Variants in PHOSPHO2 observed in about 807,000 individuals in gnomAD.
PHOSPHO2 encodes phosphatase, orphan 2.
In PHOSPHO2, 14 loss-of-function variants were observed where a neutral mutation model predicts 16.4. The observed-to-expected ratio is 0.85, with a 90% CI of 0.56 to 1.33. PHOSPHO2 has a LOEUF of 1.33. Among genes scored for constraint, PHOSPHO2 ranks in the 40% most tolerant of loss-of-function variants. PHOSPHO2 has a pLI of 0.00. For missense variants in PHOSPHO2, 246 were observed against 282.5 expected (o/e 0.87, Z 0.93); for synonymous variants, 85 against 90.5 (o/e 0.94, Z 0.34).
In PHOSPHO2 at chr2:169,697,516, G is replaced by C. The variant is rs1210936268; in HGVS notation, c.-42G>C. 6.6e-6 allele frequency: 1 copy of C among 152,064 alleles called. No individual in the cohort carries two copies. Among genetic ancestry groups the C allele is most frequent in the Non-Finnish European group, 1.5e-5 (1 of 68,004 alleles). The allele number at this position is 152,064 out of a possible 1,614,324, so 9.4% of individuals were successfully genotyped here. A position where few individuals can be genotyped will look rare whatever the true frequency, so the allele number is the denominator to read the frequency against. On this transcript the variant is annotated 5_prime_UTR_variant, in exon 3 of 4. Transcript: ENST00000359744. ...CCCAATGCTGAAGTAAGATTGTCTTGGAAATACTAAGTTGGGTAAGTATTT... is the reference window on the plus strand; with the variant it reads ...CCCAATGCTGAAGTAAGATTGTCTTCGAAATACTAAGTTGGGTAAGTATTT...
chr2:169,695,429 G>A (rs1041302559), intron 2 of PHOSPHO2, among the ~76,000 whole-genome samples, 182 bp downstream of exon 2: 1 of 152,262 alleles, frequency 6.6e-6, no homozygotes, highest in South Asian at 2.1e-4. Context: ...GAGGTCAGGA[G>A]ATCGAGACCA....
intron 3 of PHOSPHO2, among the ~76,000 whole-genome samples, chr2:169,699,291 G>A (rs1687662981): frequency 6.8e-6 from 1 of 146,418 alleles, no homozygotes; most frequent in Admixed American, 6.8e-5. Flanking sequence ...TGTTGTTCCT[G>A]TGTTAGTTTG....
Position 169,701,621 on chromosome 2 carries a change from C to T in PHOSPHO2, c.650C>T (p.Pro217Leu), listed in dbSNP as rs760438721. The change falls in exon 4 of 4, where the codon CCT (proline) becomes CTT (leucine). Residue 217 changes from proline to leucine, a missense_variant. Coordinates refer to ENST00000359744, the MANE Select transcript of PHOSPHO2 (RefSeq NM_001008489.4). ...TLSRMSQNLE[P>L]MEYSVVVWSS... ...TCCAGAATGTCTCAAAATCTTGAGCCTATGGAATATTCTGTTGTAGTTTGG... is the reference window on the plus strand; with the variant it reads ...TCCAGAATGTCTCAAAATCTTGAGCTTATGGAATATTCTGTTGTAGTTTGG... 3.1e-6 allele frequency: 5 copies of T among 1,603,334 alleles called. No individual in the cohort carries two copies. Among genetic ancestry groups the T allele is most frequent in the Non-Finnish European group, 4.2e-6 (5 of 1,178,366 alleles).
chr2:169,701,013 A>T lies in PHOSPHO2; in HGVS notation c.42A>T (p.Ile14=). 1 of 1,609,848 alleles carries T rather than the reference A, an allele frequency of 6.2e-7. No individual in the cohort carries two copies. The highest frequency in any genetic ancestry group is 8.5e-7 in the Non-Finnish European group (1 of 1,178,602). ...LLVFDFDNTI[I]DDNSDTWIVQ... ...TTTTTGACTTTGACAATACAATCAT[A>T]GATGACAATAGTGACACTTGGATTG... The change falls in exon 4 of 4, where the codon ATA becomes ATT. Residue 14 remains isoleucine (I), a synonymous_variant. Transcript: ENST00000359744.
intron 2 of PHOSPHO2, 144 bp from the exon 3 acceptor site, chr2:169,697,215 CTG>C (rs1166264204): frequency 2.6e-5 from 4 of 152,188 alleles, no homozygotes; most frequent in Non-Finnish European, 5.9e-5. Flanking sequence ...TGGGGTTTCA[CTG>C]TGTTAGCCAG....
intron 3 of PHOSPHO2, among the ~76,000 whole-genome samples, chr2:169,699,527 G>A (rs968164730): frequency 6.6e-6 from 1 of 152,120 alleles, no homozygotes; most frequent in African/African-American, 2.4e-5. Flanking sequence ...ACATTCCTTT[G>A]GGTATATACC....
intron 3 of PHOSPHO2, chr2:169,698,342 GT>G (rs1687623244): frequency 1.3e-5 from 2 of 152,212 alleles, no homozygotes; most frequent in South Asian, 4.1e-4. Context: ...CTAATGAGTA[GT>G]CATTAAATAT....
At chr2:169,700,053 G>A (rs973799899) in intron 3 of PHOSPHO2, among the ~76,000 whole-genome samples, 1 of 151,710 alleles carries the variant, frequency 6.6e-6, no homozygotes, top group African/African-American at 2.4e-5. Flanking sequence ...TTCAGGGATG[G>A]TGGAACTTTT....
chr2:169,694,603 G>A lies in PHOSPHO2; in HGVS notation c.-250G>A. On this transcript the variant is annotated 5_prime_UTR_variant, in exon 1 of 4. Coordinates refer to ENST00000359744, the MANE Select transcript of PHOSPHO2 (RefSeq NM_001008489.4). ...CAGGAGCGTCACGGGCGCCGGGGCG[G>A]CTGCCGACGGCGGGACTGGGTCAGT... The A allele has an allele frequency of 1.8e-6, 1 of 542,266 alleles. No individual in the cohort carries two copies. The allele number at this position is 542,266 out of a possible 1,614,324, so 33.6% of individuals were successfully genotyped here.
intron 2 of PHOSPHO2, among the ~76,000 whole-genome samples, chr2:169,696,892 C>T (rs147799555): frequency 6.6e-6 from 1 of 152,164 alleles, no homozygotes; most frequent in East Asian, 1.9e-4. Context: ...AACTTATTTT[C>T]ACATAACATT....
At chr2:169,695,787 C>A (rs888592370) in intron 2 of PHOSPHO2, among the ~76,000 whole-genome samples, 1 of 152,114 alleles carries the variant, frequency 6.6e-6, no homozygotes, top group Non-Finnish European at 1.5e-5. Context: ...TCAGCAATTT[C>A]GCCTGAGTTC....
chr2:169,696,818 A>G (rs556867626), intron 2 of PHOSPHO2, among the ~76,000 whole-genome samples: 6 of 152,356 alleles, frequency 3.9e-5, no homozygotes, highest in Non-Finnish European at 7.3e-5. Context: ...TTAAACAAGT[A>G]CAAAGAAAAA....
rs778598185 is a variant in PHOSPHO2 at position 169,701,017 on chromosome 2, G to A, written c.46G>A (p.Asp16Asn). ...TGACTTTGACAATACAATCATAGAT[G>A]ACAATAGTGACACTTGGATTGTACA... ...VFDFDNTIID[D>N]NSDTWIVQCA... Residue 16 changes from aspartate to asparagine, a missense_variant, in exon 4 of 4, where the codon GAC becomes AAC. Physicochemically the swap from Asp to Asn is conservative, Grantham distance 23 (BLOSUM62 1). Transcript: ENST00000359744. 3 of 1,611,410 alleles carry A rather than the reference G, an allele frequency of 1.9e-6. No homozygotes were observed. The highest frequency in any genetic ancestry group is 3.3e-5 in the Admixed American group (2 of 59,760).
Position 169,694,502 on chromosome 2 carries a change from C to T in PHOSPHO2, c.-351C>T. 1.5e-6 allele frequency: 1 copy of T among 671,940 alleles called. No individual in the cohort carries two copies. Among genetic ancestry groups the T allele is most frequent in the East Asian group, 2.7e-5 (1 of 36,996 alleles). 41.6% of individuals were successfully genotyped at this position (671,940 alleles called of 1,614,324 possible). ...CGGTCGGGCTAGAGAAGAGAGGCGC[C>T]TGCGCTTGCGAGCTGGGCTTGTGAG... On this transcript the variant is annotated 5_prime_UTR_variant, in exon 1 of 4. Coordinates refer to ENST00000359744, the MANE Select transcript of PHOSPHO2 (RefSeq NM_001008489.4).
chr2:169,700,999 G>T lies in PHOSPHO2; in HGVS notation c.28G>T (p.Asp10Tyr). Reference protein sequence around the residue: MKILLVFDFDNTIIDDNSDT... With the variant: MKILLVFDFYNTIIDDNSDT... ...GAAAATTTTGCTAGTTTTTGACTTT[G>T]ACAATACAATCATAGATGACAATAG... The change falls in exon 4 of 4, where the codon GAC becomes TAC. Residue 10 changes from aspartate (D) to tyrosine (Y), a missense_variant. Asp to Tyr is a radical substitution (Grantham distance 160). Transcript: ENST00000359744. 2 of 1,598,362 alleles carry T rather than the reference G, an allele frequency of 1.3e-6. No individual in the cohort carries two copies. The highest frequency in any genetic ancestry group is 2.3e-5 in the South Asian group (2 of 87,952).
intron 2 of PHOSPHO2, among the ~76,000 whole-genome samples, chr2:169,696,597 A>G (rs1161813036): frequency 1.3e-5 from 2 of 152,242 alleles, no homozygotes; most frequent in Admixed American, 1.3e-4. Flanking sequence ...ATATTGTTAC[A>G]CTATGGAAAC....
At chr2:169,699,955 A>C (rs1421377412) in intron 3 of PHOSPHO2, among the ~76,000 whole-genome samples, 1 of 152,148 alleles carries the variant, frequency 6.6e-6, no homozygotes, top group Admixed American at 6.5e-5. Flanking sequence ...TTTTGGACAG[A>C]TTTTATGGGC....
At chr2:169,695,893 G>C (rs1346675192) in intron 2 of PHOSPHO2, among the ~76,000 whole-genome samples, 1 of 152,130 alleles carries the variant, frequency 6.6e-6, no homozygotes, top group African/African-American at 2.4e-5. Context: ...CCTGAGCTTA[G>C]GGAACCCAGA....
In PHOSPHO2 at chr2:169,701,547, T is replaced by A; in HGVS notation, c.576T>A (p.Asn192Lys). 1 of 1,613,522 alleles carries A rather than the reference T, an allele frequency of 6.2e-7. No homozygotes were observed. Among genetic ancestry groups the A allele is most frequent in the Non-Finnish European group, 8.5e-7 (1 of 1,180,004 alleles). The change falls in exon 4 of 4, where the codon AAT (asparagine) becomes AAA (lysine). Residue 192 changes from asparagine to lysine, a missense_variant. By Grantham distance (94) the Asn-to-Lys change is moderately conservative. Transcript: ENST00000359744. ...TCTGTCCAGTCACCTTTTTAAAGAA[T>A]GATGATGTTGCCATGCCACGGAAAG... ...NDVCPVTFLKNDDVAMPRKGY... is the reference protein window; with the variant it reads ...NDVCPVTFLKKDDVAMPRKGY...
Sources: gnomAD v4.1 joint callset for allele counts (sites outside exome capture counted in the v4.1 genomes callset) on GRCh38, gnomAD v4.1.1 for gene constraint, MANE v1.5 for transcripts, NCBI Gene and HGNC (gene_info 2026-07-23, HGNC 2026-07-21) for gene names.